The following GRIN2A variants were observed in gnomAD, a reference collection of about 807,000 sequenced individuals.
GRIN2A encodes glutamate ionotropic receptor NMDA type subunit 2A, also known as glutamate receptor ionotropic, NMDA 2A.
GRIN2A carries 22 observed loss-of-function variants against 113.4 expected under a neutral mutation model. That is an observed-to-expected ratio of 0.19 (90% confidence interval 0.14 to 0.28). The LOEUF is 0.28. Among genes scored for constraint, GRIN2A ranks in the 10% least tolerant of loss-of-function variants. The pLI is 1.00. For synonymous variants in GRIN2A, 827 were observed against 738.4 expected, an observed-to-expected ratio of 1.12 and a Z score of -1.94; for missense variants, 1,502 against 1,887.0, an observed-to-expected ratio of 0.80 and a Z score of 3.78.
At chr16:10,048,347 G>A (rs1057385574) in intron 2 of GRIN2A, among the ~76,000 whole-genome samples, 27 of 152,174 alleles carry the variant, frequency 1.8e-4, no homozygotes, top group Non-Finnish European at 1.2e-4. Context: ...TTGGCAGCCA[G>A]AGTCAAGTTT....
At chr16:10,143,823 A>G (rs1343366367) in intron 2 of GRIN2A, among the ~76,000 whole-genome samples, 1 of 152,114 alleles carries the variant, frequency 6.6e-6, no homozygotes, top group African/African-American at 2.4e-5. Flanking sequence ...AAAATGAGCC[A>G]GGCATGGTGG....
intron 11 of GRIN2A, among the ~76,000 whole-genome samples, chr16:9,793,073 C>A (rs1292719974): frequency 6.6e-6 from 1 of 152,178 alleles, no homozygotes; most frequent in East Asian, 1.9e-4. Flanking sequence ...CATGGTAAAG[C>A]TGAATGAGCT....
chr16:9,765,334 C>A (rs1900848415), intron 12 of GRIN2A, among the ~76,000 whole-genome samples: 1 of 152,214 alleles, frequency 6.6e-6, no homozygotes, highest in African/African-American at 2.4e-5. Flanking sequence ...CCAGCATCAT[C>A]TTTGAAAGTT....
At chr16:9,901,166 C>A (rs1347101037) in intron 3 of GRIN2A, among the ~76,000 whole-genome samples, 4 of 152,232 alleles carry the variant, frequency 2.6e-5, no homozygotes, top group African/African-American at 9.6e-5. Flanking sequence ...ACCTAGAATA[C>A]TACCTGGTAT....
intron 2 of GRIN2A, among the ~76,000 whole-genome samples, chr16:10,125,884 G>A (rs1051951750): frequency 3.9e-5 from 6 of 151,956 alleles, no homozygotes; most frequent in East Asian, 3.9e-4. Context: ...AGAGTACAGC[G>A]AGTTCTCTCC....
At chr16:10,100,716 C>T (rs1293332553) in intron 2 of GRIN2A, among the ~76,000 whole-genome samples, 1 of 152,200 alleles carries the variant, frequency 6.6e-6, no homozygotes. Context: ...CATAGTGCCC[C>T]CCTGCTGGAT....
intron 3 of GRIN2A, among the ~76,000 whole-genome samples, chr16:9,900,784 C>T (rs557893147): frequency 6.6e-6 from 1 of 152,240 alleles, no homozygotes; most frequent in Admixed American, 6.5e-5. Flanking sequence ...CACCATTAAC[C>T]TCTCATGACT....
At chr16:10,052,607 T>G (rs7188329) in intron 2 of GRIN2A, among the ~76,000 whole-genome samples, 61,656 of 152,076 alleles carry the variant, frequency 0.41, 13,520 homozygotes, top group East Asian at 0.87. Flanking sequence ...CAGGGCTGGC[T>G]GGCGGTAAAG....
At chr16:10,164,080 T>A (rs1018433105) in intron 2 of GRIN2A, among the ~76,000 whole-genome samples, 3 of 152,256 alleles carry the variant, frequency 2.0e-5, no homozygotes, top group African/African-American at 7.2e-5. Context: ...CTAGCTTGTT[T>A]ACTCACGTGG....
At chr16:10,091,463 C>CACACAT (rs1231898732) in intron 2 of GRIN2A, among the ~76,000 whole-genome samples, 61 of 85,242 alleles carry the variant, frequency 7.2e-4, no homozygotes, top group African/African-American at 3.2e-3. Flanking sequence ...TGTATACACA[C>CACACAT]ACACACACAC....
At chr16:10,024,343 C>G (rs971767619) in intron 2 of GRIN2A, among the ~76,000 whole-genome samples, 4 of 152,206 alleles carry the variant, frequency 2.6e-5, no homozygotes, top group Non-Finnish European at 5.9e-5. Flanking sequence ...CTGCCTCAGC[C>G]TCCTGAGTAG....
intron 10 of GRIN2A, among the ~76,000 whole-genome samples, chr16:9,818,656 G>A (rs1221163181): frequency 6.6e-6 from 1 of 152,144 alleles, no homozygotes; most frequent in East Asian, 1.9e-4. Flanking sequence ...TGGCTCTTAA[G>A]TATATAAATA....
At chr16:10,040,569 T>TCCACACCAC in intron 2 of GRIN2A, among the ~76,000 whole-genome samples, 2 of 104,194 alleles carry the variant, frequency 1.9e-5, no homozygotes, top group Non-Finnish European at 3.9e-5. Context: ...CAAACCCACA[T>TCCACACCAC]ATTCACACAC....
intron 2 of GRIN2A, among the ~76,000 whole-genome samples, chr16:10,135,169 G>C (rs984435972): frequency 6.6e-6 from 1 of 152,180 alleles, no homozygotes; most frequent in South Asian, 2.1e-4. Context: ...TTCATTGCTT[G>C]CAAGTTCAGA....
At chr16:10,129,960 A>C (rs1322389207) in intron 2 of GRIN2A, among the ~76,000 whole-genome samples, 1 of 152,246 alleles carries the variant, frequency 6.6e-6, no homozygotes, top group African/African-American at 2.4e-5. Flanking sequence ...TGTTAAGGGC[A>C]GAGCTAGAAG....
chr16:9,831,665 A>C (rs1332678375), intron 8 of GRIN2A, among the ~76,000 whole-genome samples: 3 of 151,694 alleles, frequency 2.0e-5, no homozygotes, highest in Non-Finnish European at 4.4e-5. Context: ...ACAGGAGCAT[A>C]CCACCACGCC....
intron 11 of GRIN2A, among the ~76,000 whole-genome samples, chr16:9,779,706 G>C (rs895462232): frequency 8.6e-5 from 13 of 152,024 alleles, no homozygotes; most frequent in Non-Finnish European, 1.3e-4. Context: ...TGCAGGGCTG[G>C]GTTATGACTT....
At position 9,877,900 on chromosome 16, in the gene GRIN2A, C is replaced by T. The variant is rs570279666; in HGVS notation, c.1122+13086G>A. On this transcript the variant is annotated intron_variant, in intron 4 of 12. Transcript: ENST00000330684. ...CCAACTCTCTCTCTCCTGCTTTCCC[C>T]GCTTCCTCAGGGCTTTGCGTTTCTC... is the stretch of plus-strand genomic sequence containing the variant. Among the ~76,000 whole-genome samples, 24 of 147,662 alleles carry T rather than the reference C, an allele frequency of 1.6e-4. No homozygotes were observed. The South Asian group carries it at 5.2e-3, about 32-fold the overall frequency.
chr16:9,963,480 G>A (rs1265756197), intron 2 of GRIN2A, among the ~76,000 whole-genome samples: 1 of 151,832 alleles, frequency 6.6e-6, no homozygotes, highest in African/African-American at 2.4e-5. Flanking sequence ...CTCTCCCTAT[G>A]TTCATGTATT....
Sources: allele counts gnomAD v4.1 joint callset (sites outside exome capture counted in the v4.1 genomes callset), GRCh38; gene constraint gnomAD v4.1.1; transcripts MANE v1.5; gene names NCBI Gene and HGNC (gene_info 2026-07-23, HGNC 2026-07-21).